SLC7A1: variants seen among roughly 807,000 people sequenced by gnomAD.
SLC7A1 encodes high affinity cationic amino acid transporter 1.
SLC7A1 carries 10 observed loss-of-function variants against 53.9 expected under a neutral mutation model. That is an observed-to-expected ratio of 0.19 (90% CI 0.11 to 0.31). The LOEUF is 0.31. SLC7A1 is among the 10% of genes least tolerant of loss of function. The pLI, the probability that SLC7A1 is intolerant of heterozygous loss-of-function variation, is 1.00. For missense variants in SLC7A1, 525 were observed against 827.2 expected (o/e 0.63, Z 4.48); for synonymous variants, 342 against 338.7 (o/e 1.01, Z -0.11).
chr13:29,510,815 G>A lies in SLC7A1; in HGVS notation c.*3665C>T, dbSNP rs1571784. The A allele has an allele frequency of 0.66, 100,942 of 152,310 alleles. 35,764 individuals are homozygous for A. The highest frequency in any genetic ancestry group is 0.81 in the Non-Finnish European group (54,940 of 68,042). 9.4% of individuals were successfully genotyped at this position (152,310 alleles called of 1,614,324 possible). ...GGGTCTGTGTAAAAATGGGATGTGT[G>A]AATCAGAAGAGGGGCCCTGGCACAG... On this transcript the variant is annotated 3_prime_UTR_variant, in exon 13 of 13. Coordinates refer to ENST00000380752, the MANE Select transcript of SLC7A1 (RefSeq NM_003045.5).
chr13:29,569,885 C>G (rs568900331), intron 1 of SLC7A1, among the ~76,000 whole-genome samples: 1 of 152,116 alleles, frequency 6.6e-6, no homozygotes, highest in Admixed American at 6.5e-5. Flanking sequence ...CCCAAAGGCC[C>G]GCAGATCCAC....
At chr13:29,524,796 G>A (rs1370687841) in intron 5 of SLC7A1, among the ~76,000 whole-genome samples, 1 of 152,224 alleles carries the variant, frequency 6.6e-6, no homozygotes, top group African/African-American at 2.4e-5. Context: ...TGCCAGGTGT[G>A]TGGGGCCCGG....
At chr13:29,550,865 T>C (rs1870147383) in intron 2 of SLC7A1, among the ~76,000 whole-genome samples, 1 of 152,200 alleles carries the variant, frequency 6.6e-6, no homozygotes, top group Non-Finnish European at 1.5e-5. Context: ...GTCCAAACAC[T>C]CTTGTGTGAT....
At chr13:29,562,905 T>C (rs1369027513) in intron 1 of SLC7A1, among the ~76,000 whole-genome samples, 1 of 152,246 alleles carries the variant, frequency 6.6e-6, no homozygotes, top group East Asian at 1.9e-4. Context: ...CTCCAGCTCA[T>C]TTTGCACCCA....
At chr13:29,522,198 C>G (rs1334975763) in intron 8 of SLC7A1, 119 bp downstream of exon 8, 1 of 1,022,912 alleles carries the variant, frequency 9.8e-7, no homozygotes, top group Non-Finnish European at 1.5e-6. Flanking sequence ...GTATAAAAAC[C>G]AGGAGTTAAA....
intron 8 of SLC7A1, among the ~76,000 whole-genome samples, chr13:29,521,785 T>C (rs1022338939): frequency 1.3e-5 from 2 of 152,220 alleles, no homozygotes; most frequent in African/African-American, 4.8e-5. Context: ...TCTGACAAGA[T>C]GAAACTCCAC....
chr13:29,589,813 T>G (rs1190143985), intron 1 of SLC7A1, among the ~76,000 whole-genome samples: 1 of 152,128 alleles, frequency 6.6e-6, no homozygotes, highest in Non-Finnish European at 1.5e-5. Context: ...GTTCCAATCT[T>G]CACTCTGCCA....
chr13:29,559,493 GGGGGAGTGAATGTGAGTGAC>G (rs1566269110), intron 1 of SLC7A1, among the ~76,000 whole-genome samples: 2 of 67,832 alleles, frequency 2.9e-5, no homozygotes, highest in East Asian at 8.6e-4. Flanking sequence ...ATGTGAGTGA[GGGGGAGTGAATGTGAGTGAC>G]GGGGAGTGAA....
Position 29,524,271 on chromosome 13 carries a change from A to T in SLC7A1, c.705-18T>A. Reference sequence around the variant, plus strand: ...TTGTGTCACTAGAAAAAAGAGCCGCAAACAAATGTCACGTCACTCGCTGCG... The same window carrying T: ...TTGTGTCACTAGAAAAAAGAGCCGCTAACAAATGTCACGTCACTCGCTGCG... On this transcript the variant is annotated intron_variant, in intron 5 of 12. Transcript: ENST00000380752. 1 of 1,614,048 alleles carries T rather than the reference A, an allele frequency of 6.2e-7. No individual in the cohort carries two copies. The highest frequency in any genetic ancestry group is 1.7e-4 in the Middle Eastern group (1 of 6,054).
rs760612262 is a variant in SLC7A1, at chr13:29,523,540, T to C, written c.827-52A>G. The C allele has an allele frequency of 2.9e-6, 4 of 1,365,670 alleles. No homozygotes were observed. The East Asian group carries it at 9.4e-5, about 32-fold the overall frequency. The allele number at this position is 1,365,670 out of a possible 1,614,324, so 84.6% of individuals were successfully genotyped here. On this transcript the variant is annotated intron_variant, in intron 6 of 12. Transcript: ENST00000380752. The stretch of plus-strand genomic sequence containing the variant: ...AGGGCACACAGCAAGAGGCAGTGTA[T>C]CTGCCCACATGACACCCAAGGCCTC...
intron 1 of SLC7A1, among the ~76,000 whole-genome samples, chr13:29,592,336 C>G (rs1442606155): frequency 6.6e-6 from 1 of 152,212 alleles, no homozygotes; most frequent in East Asian, 1.9e-4. Context: ...CACAGACCAG[C>G]CAGAATCTGG....
chr13:29,587,323 C>G (rs1871923432), intron 1 of SLC7A1, among the ~76,000 whole-genome samples: 1 of 152,186 alleles, frequency 6.6e-6, no homozygotes, highest in African/African-American at 2.4e-5. Flanking sequence ...AATGGACCAC[C>G]TAAGCGGACA....
At chr13:29,528,970 AG>A (rs1869024787) in intron 5 of SLC7A1, among the ~76,000 whole-genome samples, 2 of 152,388 alleles carry the variant, frequency 1.3e-5, no homozygotes, top group South Asian at 4.1e-4. Flanking sequence ...AGTTAACAAG[AG>A]GTGCCCTATA....
chr13:29,561,852 G>A (rs1227028279), intron 1 of SLC7A1, among the ~76,000 whole-genome samples: 1 of 152,138 alleles, frequency 6.6e-6, no homozygotes, highest in Non-Finnish European at 1.5e-5. Context: ...CATCCCAGCG[G>A]CTGTTCTGCA....
intron 2 of SLC7A1, among the ~76,000 whole-genome samples, chr13:29,537,021 T>C (rs1869451841): frequency 6.6e-6 from 1 of 152,232 alleles, no homozygotes; most frequent in Non-Finnish European, 1.5e-5. Flanking sequence ...TGAGATTGCT[T>C]TCCTCCAACC....
At position 29,536,192 on chromosome 13, in the gene SLC7A1, G is replaced by C. The variant is rs767140050; in HGVS notation, c.-4C>G. The C allele has an allele frequency of 2.2e-5, 36 of 1,603,472 alleles. No homozygotes were observed. The highest frequency in any genetic ancestry group is 2.5e-5 in the Non-Finnish European group (29 of 1,172,376). Reference sequence around the variant, plus strand: ...TGAGCAGGACTTTGCACCCCATGTTGCTGTTCAGAGCTGTTGAAAAAGAAC... The same window carrying C: ...TGAGCAGGACTTTGCACCCCATGTTCCTGTTCAGAGCTGTTGAAAAAGAAC... On this transcript the variant is annotated 5_prime_UTR_variant, in exon 3 of 13. Transcript: ENST00000380752.
chr13:29,517,448 T>A, intron 10 of SLC7A1, 125 bp downstream of exon 10: 1 of 1,213,800 alleles, frequency 8.2e-7, no homozygotes, highest in Non-Finnish European at 1.2e-6. Flanking sequence ...ACAGAGTAAC[T>A]ATGTCCCAGT....
chr13:29,544,568 T>TTAGAATCA (rs562404964), intron 2 of SLC7A1, among the ~76,000 whole-genome samples: 1 of 152,154 alleles, frequency 6.6e-6, no homozygotes, highest in Non-Finnish European at 1.5e-5. Context: ...TGGTTGCACA[T>TTAGAATCA]TAGAATCATC....
In SLC7A1 at chr13:29,510,459, C is replaced by T. The variant is rs1264274637; in HGVS notation, c.*4021G>A. 1.3e-5 allele frequency: 2 copies of T among 152,460 alleles called. No individual in the cohort carries two copies. Among genetic ancestry groups the T allele is most frequent in the African/African-American group, 2.4e-5 (1 of 41,454 alleles). The allele number at this position is 152,460 out of a possible 1,614,324, so 9.4% of individuals were successfully genotyped here. On this transcript the variant is annotated 3_prime_UTR_variant, in exon 13 of 13. Transcript: ENST00000380752. Reference sequence around the variant, plus strand: ...CTGGCAGAATGTACATCTCCCTCTCCCTTCAGAGCCTTACATATAATCTTC... The same window carrying T: ...CTGGCAGAATGTACATCTCCCTCTCTCTTCAGAGCCTTACATATAATCTTC...
Sources: allele counts gnomAD v4.1 joint callset (sites outside exome capture counted in the v4.1 genomes callset), GRCh38; gene constraint gnomAD v4.1.1; transcripts MANE v1.5; gene names NCBI Gene and HGNC (gene_info 2026-07-23, HGNC 2026-07-21).